GRIK2: variants seen among roughly 807,000 people sequenced by gnomAD.
GRIK2 encodes the protein glutamate ionotropic receptor kainate type subunit 2, also known as glutamate receptor ionotropic, kainate 2.
Under a neutral mutation model 100.3 loss-of-function variants are expected in GRIK2, and 32 were observed. That is an observed-to-expected ratio of 0.32 (90% CI 0.24 to 0.43). The LOEUF (loss-of-function observed/expected upper bound fraction) is 0.43, where lower values mean the gene tolerates loss of function less well. GRIK2 is among the 20% of genes least tolerant of loss of function. GRIK2 has a pLI of 1.00. For synonymous variants in GRIK2, 417 were observed against 389.4 expected, an observed-to-expected ratio of 1.07 and a Z score of -0.83; for missense variants, 843 against 1,114.9, an observed-to-expected ratio of 0.76 and a Z score of 3.47.
At chr6:101,745,512 A>G (rs1776369949) in intron 7 of GRIK2, among the ~76,000 whole-genome samples, 1 of 152,168 alleles carries the variant, frequency 6.6e-6, no homozygotes, top group Non-Finnish European at 1.5e-5. Context: ...AGATGGATTG[A>G]GAAATATTTT....
intron 2 of GRIK2, among the ~76,000 whole-genome samples, chr6:101,527,799 T>C (rs1440740498): frequency 1.3e-5 from 2 of 152,182 alleles, no homozygotes; most frequent in Non-Finnish European, 2.9e-5. Flanking sequence ...AAAATAGGTG[T>C]TCTTTTCTTA....
chr6:101,645,967 T>C (rs996305058), intron 4 of GRIK2, among the ~76,000 whole-genome samples: 12 of 152,106 alleles, frequency 7.9e-5, no homozygotes, highest in African/African-American at 1.9e-4. Context: ...TGATAAATTC[T>C]ATCGCCACCT....
chr6:101,743,163 A>G (rs958043372), intron 7 of GRIK2, among the ~76,000 whole-genome samples: 4 of 152,134 alleles, frequency 2.6e-5, no homozygotes, highest in Admixed American at 2.0e-4. Context: ...GCCCAACTGG[A>G]GGGTTAGTGG....
In GRIK2 at chr6:101,796,691, C is replaced by A. The variant is rs570956113; in HGVS notation, c.952-2957C>A. Among the ~76,000 whole-genome samples the A allele has an allele frequency of 1.1e-3, 173 of 152,186 alleles. 3 individuals carry two copies. The highest frequency in any genetic ancestry group is 4.0e-3 in the African/African-American group (166 of 41,546). ...AGTTTGATCAGCGACTTTTAGATTA[C>A]TTGTACCTTTTTCTCAAGGATTTAT... On this transcript the variant is annotated intron_variant, in intron 7 of 16. Coordinates refer to ENST00000369134, the MANE Select transcript of GRIK2 (RefSeq NM_021956.5).
chr6:101,470,401 A>G (rs1771882755), intron 2 of GRIK2, among the ~76,000 whole-genome samples: 1 of 152,144 alleles, frequency 6.6e-6, no homozygotes, highest in Non-Finnish European at 1.5e-5. Flanking sequence ...TTGCTTCAGT[A>G]TGACATCTCT....
intron 2 of GRIK2, among the ~76,000 whole-genome samples, chr6:101,564,077 AT>A (rs1279038840): frequency 6.6e-6 from 1 of 152,060 alleles, no homozygotes; most frequent in Non-Finnish European, 1.5e-5. Context: ...CAACACACCT[AT>A]TTTTTTACAT....
At chr6:101,464,537 A>T (rs1771528308) in intron 2 of GRIK2, among the ~76,000 whole-genome samples, 2 of 62,294 alleles carry the variant, frequency 3.2e-5, no homozygotes, top group South Asian at 6.5e-4. Context: ...TTTTTTTTTG[A>T]GACAGAGTCT....
intron 15 of GRIK2, among the ~76,000 whole-genome samples, chr6:102,042,007 C>T (rs1770606257): frequency 6.6e-6 from 1 of 151,410 alleles, no homozygotes; most frequent in Non-Finnish European, 1.5e-5. Flanking sequence ...TTACCATCAG[C>T]CAATCAGTAT....
intron 2 of GRIK2, among the ~76,000 whole-genome samples, chr6:101,558,334 A>G (rs1776841715): frequency 6.6e-6 from 1 of 152,158 alleles, no homozygotes; most frequent in African/African-American, 2.4e-5. Context: ...GAGGAGACAT[A>G]CACAAAACCA....
intron 2 of GRIK2, among the ~76,000 whole-genome samples, chr6:101,551,864 A>T (rs1402996113): frequency 4.3e-4 from 65 of 152,208 alleles, no homozygotes; most frequent in Admixed American, 4.3e-3. Context: ...ACAAAACATT[A>T]TTATGTTATG....
intron 4 of GRIK2, among the ~76,000 whole-genome samples, chr6:101,662,023 G>A (rs866594984): frequency 7.2e-5 from 11 of 152,314 alleles, no homozygotes; most frequent in Admixed American, 1.3e-4. Context: ...CTAACTCACA[G>A]AATACTCCAG....
intron 11 of GRIK2, among the ~76,000 whole-genome samples, chr6:101,884,122 A>G (rs1376863506): frequency 6.6e-6 from 1 of 152,108 alleles, no homozygotes; most frequent in Non-Finnish European, 1.5e-5. Context: ...TTTTCTTTCA[A>G]GTGTACACAG....
chr6:101,696,125 T>G (rs1056972004), intron 7 of GRIK2, among the ~76,000 whole-genome samples: 1 of 152,002 alleles, frequency 6.6e-6, no homozygotes, highest in Non-Finnish European at 1.5e-5. Flanking sequence ...AACTGTAGAT[T>G]GCATCAATTT....
rs201991043 is a variant in GRIK2, at chr6:101,540,838, AG to A, written c.116-81109del. On this transcript the variant is annotated intron_variant, in intron 2 of 16. Coordinates refer to ENST00000369134, the MANE Select transcript of GRIK2 (RefSeq NM_021956.5). ...TTAAGTAAGGTTTCCATAAAGAATT[AG>A]GCTCAGAACATCTGTTTTTCTGGGC... 7.2e-3 allele frequency among the ~76,000 whole-genome samples: 1,098 copies of A among 152,106 alleles called. 13 individuals carry two copies. The highest frequency in any genetic ancestry group is 0.025 in the African/African-American group (1,042 of 41,542).
chr6:102,007,750 G>A (rs1164025085), intron 14 of GRIK2, among the ~76,000 whole-genome samples: 2 of 152,056 alleles, frequency 1.3e-5, no homozygotes, highest in Non-Finnish European at 2.9e-5. Flanking sequence ...AGTTTTCTTA[G>A]GAAAGAGGTT....
chr6:101,694,684 A>G (rs955777837), intron 7 of GRIK2, among the ~76,000 whole-genome samples: 8 of 152,046 alleles, frequency 5.3e-5, no homozygotes, highest in African/African-American at 1.9e-4. Flanking sequence ...TTTAAAATGT[A>G]TAGAATATGT....
intron 14 of GRIK2, chr6:101,993,634 T>G (rs975472939): frequency 6.6e-6 from 1 of 150,774 alleles, no homozygotes; most frequent in Non-Finnish European, 1.5e-5. Context: ...AATGCCATAG[T>G]TCTATGAGGA....
chr6:101,968,804 T>G (rs1285056606), intron 14 of GRIK2, among the ~76,000 whole-genome samples: 2 of 151,954 alleles, frequency 1.3e-5, no homozygotes, highest in Non-Finnish European at 2.9e-5. Context: ...ATTAGAAGTA[T>G]TGATGTTTAA....
chr6:101,705,962 G>C (rs1188282887), intron 7 of GRIK2, among the ~76,000 whole-genome samples: 2 of 151,934 alleles, frequency 1.3e-5, no homozygotes, highest in African/African-American at 4.8e-5. Flanking sequence ...TGTTGCTACT[G>C]TATTAAATAT....
Sources: allele counts gnomAD v4.1 joint callset (sites outside exome capture counted in the v4.1 genomes callset), GRCh38; gene constraint gnomAD v4.1.1; transcripts MANE v1.5; gene names NCBI Gene and HGNC (gene_info 2026-07-23, HGNC 2026-07-21).